ADCY8: variants seen among roughly 807,000 people sequenced by gnomAD.
ADCY8 encodes the protein adenylate cyclase type 8.
A neutral mutation model predicts 119.7 loss-of-function variants in ADCY8; 51 were observed. The ratio of observed to expected loss-of-function variants is 0.43; its 90% CI spans 0.34 to 0.54. The LOEUF is 0.54. Among genes scored for constraint, ADCY8 ranks in the 20% least tolerant of loss-of-function variants. The pLI is 0.03. For missense variants in ADCY8, 1,383 were observed against 1,598.8 expected (o/e 0.87, Z 2.30); for synonymous variants, 665 against 651.0 (o/e 1.02, Z -0.33).
At chr8:130,801,156 T>C (rs1815764849) in intron 14 of ADCY8, among the ~76,000 whole-genome samples, 1 of 152,228 alleles carries the variant, frequency 6.6e-6, no homozygotes, top group African/African-American at 2.4e-5. Context: ...CAGCCTCAGC[T>C]GGGGCCTGAG....
chr8:130,963,113 C>CTTTTTTTTTTTTTTTTTTTTTT (rs764620332), intron 2 of ADCY8, among the ~76,000 whole-genome samples: 1 of 130,366 alleles, frequency 7.7e-6, no homozygotes, highest in Non-Finnish European at 1.7e-5. Context: ...GTTTTTCTTT[C>CTTTTTTTTTTTTTTTTTTTTTT]TTTTTTTTTT....
At chr8:130,789,180 T>G (rs1815347352) in intron 15 of ADCY8, among the ~76,000 whole-genome samples, 1 of 152,216 alleles carries the variant, frequency 6.6e-6, no homozygotes. Flanking sequence ...TTGAATCAAC[T>G]ATAAGACAAC....
At chr8:130,870,340 C>T (rs1326668544) in intron 8 of ADCY8, among the ~76,000 whole-genome samples, 2 of 152,084 alleles carry the variant, frequency 1.3e-5, no homozygotes, top group East Asian at 3.9e-4. Context: ...ATCCACCCAT[C>T]ATCATCATGA....
At chr8:130,874,110 C>T (rs1818468553) in intron 8 of ADCY8, among the ~76,000 whole-genome samples, 1 of 151,908 alleles carries the variant, frequency 6.6e-6, no homozygotes, top group African/African-American at 2.4e-5. Flanking sequence ...GAGTTCGAGA[C>T]CATCCTGGCC....
chr8:131,030,728 G>T (rs1452419978), intron 1 of ADCY8, among the ~76,000 whole-genome samples: 1 of 152,158 alleles, frequency 6.6e-6, no homozygotes, highest in Non-Finnish European at 1.5e-5. Flanking sequence ...CAAATATTTG[G>T]GGGAAAAGTT....
intron 2 of ADCY8, among the ~76,000 whole-genome samples, chr8:130,976,984 C>T: frequency 6.6e-6 from 1 of 152,160 alleles, no homozygotes; most frequent in East Asian, 1.9e-4. Flanking sequence ...CAACCTGTCC[C>T]ATCGCGCAGG....
At chr8:130,800,686 A>G in intron 14 of ADCY8, 114 bp from the exon 15 acceptor site, 1 of 1,167,946 alleles carries the variant, frequency 8.6e-7, no homozygotes, top group Non-Finnish European at 1.2e-6. Flanking sequence ...ACAGAGAGAC[A>G]GAAAATGAGG....
intron 11 of ADCY8, among the ~76,000 whole-genome samples, chr8:130,840,543 T>G (rs544658279): frequency 1.3e-5 from 2 of 152,208 alleles, no homozygotes; most frequent in Non-Finnish European, 2.9e-5. Flanking sequence ...GTTTTCAAAA[T>G]AATTTTAAAC....
chr8:130,934,787 T>C (rs1378232749), intron 5 of ADCY8, among the ~76,000 whole-genome samples: 2 of 152,192 alleles, frequency 1.3e-5, no homozygotes, highest in Non-Finnish European at 2.9e-5. Flanking sequence ...GACAGGGAGA[T>C]AGTAGAGAGG....
intron 9 of ADCY8, among the ~76,000 whole-genome samples, chr8:130,867,506 G>A (rs1412142991): frequency 2.0e-5 from 3 of 152,206 alleles, no homozygotes; most frequent in Non-Finnish European, 4.4e-5. Context: ...TGCTGTATCT[G>A]TGAATGAATT....
Position 130,920,106 on chromosome 8 carries a change from G to A in ADCY8, c.1482-10240C>T, listed in dbSNP as rs374094045. Reference sequence around the variant, plus strand: ...TGCAGTGAGCTATGATTGCACCACTGTGCTTTAGCCTGGGTGACAGAACGA... The same window carrying A: ...TGCAGTGAGCTATGATTGCACCACTATGCTTTAGCCTGGGTGACAGAACGA... On this transcript the variant is annotated intron_variant, in intron 5 of 17. Coordinates refer to ENST00000286355, the MANE Select transcript of ADCY8 (RefSeq NM_001115.3). Among the ~76,000 whole-genome samples the A allele has an allele frequency of 2.0e-4, 28 of 137,212 alleles. 3 individuals are homozygous for A. In the South Asian group the frequency reaches 6.6e-3, roughly 32 times the overall value. The allele number at this position is 137,212 out of a possible 152,430, so 90.0% of individuals were successfully genotyped here. A position where few individuals can be genotyped will look rare whatever the true frequency, so the allele number is the denominator to read the frequency against.
chr8:131,008,441 G>T (rs996015321), intron 1 of ADCY8, among the ~76,000 whole-genome samples: 1 of 152,166 alleles, frequency 6.6e-6, no homozygotes, highest in Non-Finnish European at 1.5e-5. Flanking sequence ...CATGTCCCCT[G>T]CTGGCACTCA....
chr8:130,844,157 C>A (rs567135481), intron 11 of ADCY8, among the ~76,000 whole-genome samples: 2 of 152,214 alleles, frequency 1.3e-5, no homozygotes, highest in Non-Finnish European at 2.9e-5. Flanking sequence ...AATAAAGGGG[C>A]GTAATTCTAA....
At chr8:130,991,342 G>C (rs1312635405) in intron 1 of ADCY8, among the ~76,000 whole-genome samples, 12 of 152,234 alleles carry the variant, frequency 7.9e-5, no homozygotes, top group Admixed American at 7.9e-4. Flanking sequence ...GTGGCTTAAA[G>C]AAGCAAAGAA....
At chr8:130,786,361 T>C (rs1281781668) in intron 15 of ADCY8, among the ~76,000 whole-genome samples, 1 of 152,188 alleles carries the variant, frequency 6.6e-6, no homozygotes, top group East Asian at 1.9e-4. Context: ...GAGGGAAACC[T>C]TGGTGTCTTA....
chr8:130,962,123 TG>T (rs1305224088), intron 2 of ADCY8, among the ~76,000 whole-genome samples: 2 of 152,234 alleles, frequency 1.3e-5, no homozygotes, highest in African/African-American at 2.4e-5. Flanking sequence ...CAGCCAGTTG[TG>T]CTACTGGCAA....
At chr8:130,788,720 A>G (rs1482894470) in intron 15 of ADCY8, among the ~76,000 whole-genome samples, 2 of 152,232 alleles carry the variant, frequency 1.3e-5, no homozygotes, top group Non-Finnish European at 2.9e-5. Context: ...ATATACATGT[A>G]TCAAAACATC....
At chr8:130,791,222 AG>A (rs1815416866) in intron 15 of ADCY8, among the ~76,000 whole-genome samples, 1 of 152,218 alleles carries the variant, frequency 6.6e-6, no homozygotes, top group Non-Finnish European at 1.5e-5. Context: ...TCTAGCAGAG[AG>A]GGTGATGGGT....
intron 2 of ADCY8, among the ~76,000 whole-genome samples, chr8:130,976,673 T>C (rs963205107): frequency 6.6e-6 from 1 of 152,194 alleles, no homozygotes; most frequent in Admixed American, 6.5e-5. Context: ...GGAACTGAGC[T>C]TTTCACATTT....
Sources: gnomAD v4.1 joint callset for allele counts (sites outside exome capture counted in the v4.1 genomes callset) on GRCh38, gnomAD v4.1.1 for gene constraint, MANE v1.5 for transcripts, NCBI Gene and HGNC (gene_info 2026-07-23, HGNC 2026-07-21) for gene names.